MARCHF4: variants seen among roughly 807,000 people sequenced by gnomAD.
MARCHF4 encodes E3 ubiquitin-protein ligase MARCHF4.
MARCHF4 carries 14 observed loss-of-function variants against 43.9 expected under a neutral mutation model. The observed-to-expected ratio is 0.32, with a 90% CI of 0.21 to 0.50. The LOEUF is 0.50. Among genes scored for constraint, MARCHF4 ranks in the 20% least tolerant of loss-of-function variants. MARCHF4 has a pLI of 0.98. For missense variants in MARCHF4, 468 were observed against 536.7 expected (o/e 0.87, Z 1.27); for synonymous variants, 226 against 213.3 (o/e 1.06, Z -0.52).
intron 1 of MARCHF4, among the ~76,000 whole-genome samples, chr2:216,331,325 C>A (rs1467575381): frequency 6.6e-6 from 1 of 151,958 alleles, no homozygotes; most frequent in Admixed American, 6.6e-5. Context: ...ATCTGAATAG[C>A]TGTATATCTA....
At chr2:216,286,407 C>T (rs1190049497) in intron 1 of MARCHF4, among the ~76,000 whole-genome samples, 2 of 151,892 alleles carry the variant, frequency 1.3e-5, no homozygotes, top group African/African-American at 4.8e-5. Flanking sequence ...GCCATGGTGG[C>T]ATGCTCCTAA....
At chr2:216,364,967 G>C (rs796976716) in intron 1 of MARCHF4, among the ~76,000 whole-genome samples, 3 of 152,326 alleles carry the variant, frequency 2.0e-5, no homozygotes, top group African/African-American at 7.2e-5. Flanking sequence ...ATATTTTGGA[G>C]CATGGTATGT....
intron 1 of MARCHF4, among the ~76,000 whole-genome samples, chr2:216,365,134 C>T (rs191989121): frequency 2.0e-4 from 30 of 152,264 alleles, no homozygotes; most frequent in Admixed American, 1.7e-3. Context: ...TTCTAAAATG[C>T]TCTACTTGAG....
chr2:216,297,487 G>A (rs921972752), intron 1 of MARCHF4, among the ~76,000 whole-genome samples: 3 of 152,134 alleles, frequency 2.0e-5, no homozygotes, highest in Admixed American at 6.6e-5. Flanking sequence ...AAGGAGAGAG[G>A]CCATAGCCCA....
At chr2:216,320,384 C>A (rs1691860290) in intron 1 of MARCHF4, among the ~76,000 whole-genome samples, 1 of 152,176 alleles carries the variant, frequency 6.6e-6, no homozygotes, top group Non-Finnish European at 1.5e-5. Flanking sequence ...TTTCACATTG[C>A]TTAACTCATT....
intron 1 of MARCHF4, among the ~76,000 whole-genome samples, chr2:216,297,428 G>T (rs1156962624): frequency 6.6e-6 from 1 of 152,144 alleles, no homozygotes; most frequent in African/African-American, 2.4e-5. Flanking sequence ...CCACACCTCT[G>T]CACTCAGGGA....
chr2:216,368,579 C>T (rs1382050858), intron 1 of MARCHF4, among the ~76,000 whole-genome samples: 1 of 152,220 alleles, frequency 6.6e-6, no homozygotes, highest in Non-Finnish European at 1.5e-5. Context: ...GCTAAGCCTG[C>T]ATCTTACAGA....
At position 216,320,663 on chromosome 2, in the gene MARCHF4, CTTTCTTTCTTTCTTT is replaced by C. The variant is rs1436644442; in HGVS notation, c.517-36949_517-36935del. On this transcript the variant is annotated intron_variant, in intron 1 of 3. Coordinates refer to ENST00000273067, the MANE Select transcript of MARCHF4 (RefSeq NM_020814.3). ...TCTTTCTTTCTTTCTTTCTTTCTTT[CTTTCTTTCTTTCTTT>C]TTTTTTTTTTGAGATGGAGTCCCAC... Among the ~76,000 whole-genome samples the C allele has an allele frequency of 1.0e-4, 10 of 96,972 alleles. No homozygotes were observed. The South Asian group carries it at 1.4e-3, about 14-fold the overall frequency. 63.6% of individuals were successfully genotyped at this position (96,972 alleles called of 152,430 possible). A position where few individuals can be genotyped will look rare whatever the true frequency, so the allele number is the denominator to read the frequency against.
intron 1 of MARCHF4, among the ~76,000 whole-genome samples, chr2:216,337,024 T>A (rs1335951674): frequency 6.6e-6 from 1 of 151,652 alleles, no homozygotes; most frequent in African/African-American, 2.4e-5. Flanking sequence ...TGGTAGTGCA[T>A]GGCTGTAGTC....
chr2:216,340,386 A>G (rs1692218153), intron 1 of MARCHF4, among the ~76,000 whole-genome samples: 3 of 152,202 alleles, frequency 2.0e-5, no homozygotes, highest in African/African-American at 7.2e-5. Context: ...TTCACCAGGA[A>G]TTCACACAGG....
chr2:216,341,946 G>A (rs1415577380), intron 1 of MARCHF4, among the ~76,000 whole-genome samples: 3 of 152,180 alleles, frequency 2.0e-5, no homozygotes, highest in Admixed American at 2.0e-4. Flanking sequence ...TGCCCAGAGG[G>A]TCAGATGAGA....
chr2:216,322,067 T>A (rs1303738367), intron 1 of MARCHF4, among the ~76,000 whole-genome samples: 1 of 152,154 alleles, frequency 6.6e-6, no homozygotes, highest in Non-Finnish European at 1.5e-5. Context: ...ACCGCAAGCA[T>A]TGTGCACAAT....
In MARCHF4 at chr2:216,259,420, G is replaced by T; in HGVS notation, c.1125C>A (p.His375Gln). Residue 375 changes from histidine to glutamine, a missense_variant, in exon 4 of 4, where the codon CAC becomes CAA. By Grantham distance (24) the His-to-Gln change is conservative. Coordinates refer to ENST00000273067, the MANE Select transcript of MARCHF4 (RefSeq NM_020814.3). ...TGTGCAGGATGGTATAAGCACAGTG[G>T]TGATGGGACAGAGGGCCTGAGGGGT... is the stretch of plus-strand genomic sequence containing the variant. The part of the protein sequence containing the change: ...AGHPSGPLSH[H>Q]HCAYTILHIL... 1 of 1,614,038 alleles carries T rather than the reference G, an allele frequency of 6.2e-7. No homozygotes were observed. Among genetic ancestry groups the T allele is most frequent in the Non-Finnish European group, 8.5e-7 (1 of 1,179,934 alleles).
intron 1 of MARCHF4, among the ~76,000 whole-genome samples, chr2:216,318,675 G>T (rs1409211284): frequency 1.3e-5 from 2 of 152,138 alleles, no homozygotes; most frequent in Non-Finnish European, 2.9e-5. Context: ...AGAGGCTGCC[G>T]TGAATGAGAA....
intron 1 of MARCHF4, among the ~76,000 whole-genome samples, chr2:216,317,808 G>T (rs1308355726): frequency 6.6e-6 from 1 of 152,188 alleles, no homozygotes; most frequent in African/African-American, 2.4e-5. Context: ...TGGCGTGAAG[G>T]ATATGAATGG....
chr2:216,360,717 GTACGA>G (rs1258418487), intron 1 of MARCHF4, among the ~76,000 whole-genome samples: 1 of 152,150 alleles, frequency 6.6e-6, no homozygotes, highest in African/African-American at 2.4e-5. Context: ...CCCTTAGAAT[GTACGA>G]TATCAACAGT....
chr2:216,262,573 C>T (rs1237203021), intron 3 of MARCHF4, among the ~76,000 whole-genome samples: 2 of 151,498 alleles, frequency 1.3e-5, no homozygotes, highest in East Asian at 1.9e-4. Context: ...GGGTGATGGT[C>T]GGAGAGTGGG....
At chr2:216,367,809 TTTTTTC>T (rs1357250032) in intron 1 of MARCHF4, among the ~76,000 whole-genome samples, 4 of 152,226 alleles carry the variant, frequency 2.6e-5, no homozygotes, top group African/African-American at 9.7e-5. Context: ...TGCCAATGAT[TTTTTTC>T]TTTTTCTTTT....
In MARCHF4 at chr2:216,301,959, G is replaced by A. The variant is rs193053772; in HGVS notation, c.517-18230C>T. Among the ~76,000 whole-genome samples, 60 of 152,216 alleles carry A rather than the reference G, an allele frequency of 3.9e-4. 1 individual carries two copies. The highest frequency in any genetic ancestry group is 1.4e-3 in the African/African-American group (57 of 41,526). ...TCTAGTGAAGTGACATAGAGAAGTGGGACCAGTCATTGACCCACCCAAGCT... is the reference window on the plus strand; with the variant it reads ...TCTAGTGAAGTGACATAGAGAAGTGAGACCAGTCATTGACCCACCCAAGCT... On this transcript the variant is annotated intron_variant, in intron 1 of 3. Transcript: ENST00000273067.
Sources: gnomAD v4.1 joint callset for allele counts (sites outside exome capture counted in the v4.1 genomes callset) on GRCh38, gnomAD v4.1.1 for gene constraint, MANE v1.5 for transcripts, NCBI Gene and HGNC (gene_info 2026-07-23, HGNC 2026-07-21) for gene names.